CREB3L2: variants seen among roughly 807,000 people sequenced by gnomAD.
CREB3L2 encodes cyclic AMP-responsive element-binding protein 3-like protein 2.
CREB3L2 carries 23 observed loss-of-function variants against 57.2 expected under a neutral mutation model. The ratio of observed to expected loss-of-function variants is 0.40; its 90% CI spans 0.29 to 0.57. The LOEUF is 0.57. Among genes scored for constraint, CREB3L2 ranks in the 20% least tolerant of loss-of-function variants. The pLI is 0.42. For synonymous variants in CREB3L2, 268 were observed against 265.1 expected (o/e 1.01, Z -0.11); for missense variants, 628 against 634.7 (o/e 0.99, Z 0.11).
chr7:137,913,161 G>A (rs1800053413), intron 3 of CREB3L2, 83 bp from the exon 4 acceptor site: 3 of 1,399,850 alleles, frequency 2.1e-6, no homozygotes, highest in Non-Finnish European at 2.9e-6. Context: ...TGTCACCTGT[G>A]TCTTCCTCTC....
chr7:137,885,638 G>C, intron 8 of CREB3L2, 136 bp from the exon 9 acceptor site: 1 of 691,218 alleles, frequency 1.4e-6, no homozygotes, highest in Non-Finnish European at 2.5e-6. Flanking sequence ...GTTTCCTCTG[G>C]AAGAAGATAC....
intron 5 of CREB3L2, 102 bp downstream of exon 5, chr7:137,908,150 G>A: frequency 1.1e-6 from 1 of 873,914 alleles, no homozygotes; most frequent in Non-Finnish European, 1.5e-6. Context: ...CTTGACAAAA[G>A]TAAAAACCAA....
At chr7:137,947,681 C>T (rs1022110841) in intron 1 of CREB3L2, among the ~76,000 whole-genome samples, 1 of 152,166 alleles carries the variant, frequency 6.6e-6, no homozygotes, top group African/African-American at 2.4e-5. Flanking sequence ...TCTCTTTATT[C>T]CTGATGGTCT....
chr7:137,898,429 A>C (rs1158864786), intron 8 of CREB3L2, among the ~76,000 whole-genome samples: 6 of 152,216 alleles, frequency 3.9e-5, no homozygotes, highest in Admixed American at 2.6e-4. Flanking sequence ...AAGACAATGA[A>C]ATCAGCATCT....
At chr7:137,964,052 C>T (rs986040477) in intron 1 of CREB3L2, among the ~76,000 whole-genome samples, 1 of 152,222 alleles carries the variant, frequency 6.6e-6, no homozygotes, top group Non-Finnish European at 1.5e-5. Flanking sequence ...CGGTGGCTCA[C>T]GCCTGTAATC....
At chr7:137,986,794 A>G (rs11770714) in intron 1 of CREB3L2, among the ~76,000 whole-genome samples, 118,173 of 152,198 alleles carry the variant, frequency 0.78, 49,023 homozygotes, top group South Asian at 0.94. Flanking sequence ...GAAACACTGG[A>G]TTTCGACGTG....
chr7:137,885,459 C>A lies in CREB3L2; in HGVS notation c.1087G>T (p.Gly363Cys), dbSNP rs1158366955. Reference sequence around the variant, plus strand: ...AACTTGCAGGTTCGAGAAACCTTGCCCATCACCAAAGTCTGAAGCTTCTGG... The same window carrying A: ...AACTTGCAGGTTCGAGAAACCTTGCACATCACCAAAGTCTGAAGCTTCTGG... ...QLQKLQTLVM[G>C]KVSRTCKLAG... Residue 363 changes from glycine (G) to cysteine (C), a missense_variant, in exon 9 of 12, where the codon GGC (glycine) becomes TGC (cysteine). Gly to Cys is a radical substitution (Grantham distance 159, BLOSUM62 -3). Transcript: ENST00000330387. The A allele has an allele frequency of 1.2e-6, 2 of 1,614,122 alleles. No homozygotes were observed. The highest frequency in any genetic ancestry group is 3.3e-5 in the Admixed American group (2 of 60,002).
At position 137,895,665 on chromosome 7, in the gene CREB3L2, A is replaced by G. The variant is rs1042361704; in HGVS notation, c.1043+5689T>C. On this transcript the variant is annotated intron_variant, in intron 8 of 11. Coordinates refer to ENST00000330387, the MANE Select transcript of CREB3L2 (RefSeq NM_194071.4). The stretch of plus-strand genomic sequence containing the variant: ...TACAAAAAAAAAAAGAAAGAAAACC[A>G]TACTCAGGATTGACTCATAATCTGA... 2.0e-5 allele frequency among the ~76,000 whole-genome samples: 3 copies of G among 151,458 alleles called. No individual in the cohort carries two copies. The East Asian group carries it at 5.8e-4, about 29-fold the overall frequency.
chr7:137,900,340 T>C (rs1479542846), intron 8 of CREB3L2, among the ~76,000 whole-genome samples: 2 of 152,188 alleles, frequency 1.3e-5, no homozygotes, highest in African/African-American at 4.8e-5. Context: ...AATAATGGCA[T>C]CTCATAGGGC....
At chr7:137,972,664 C>A (rs1801525998) in intron 1 of CREB3L2, among the ~76,000 whole-genome samples, 1 of 95,158 alleles carries the variant, frequency 1.1e-5, no homozygotes, top group African/African-American at 4.5e-5. Context: ...CTGAGCAACA[C>A]AGTGAGATCC....
At position 137,946,707 on chromosome 7, in the gene CREB3L2, TTATATATAGTTATA is replaced by T. The variant is rs950234437; in HGVS notation, c.103-18355_103-18342del. 2.7e-5 allele frequency among the ~76,000 whole-genome samples: 4 copies of T among 147,052 alleles called. No homozygotes were observed. The Admixed American group carries it at 2.7e-4, about 10-fold the overall frequency. ...AAGCTATAAGGCTGTCCATACATTT[TTATATATAGTTATA>T]TATATATAGTTTTATATATAGTTTT... On this transcript the variant is annotated intron_variant, in intron 1 of 11. Transcript: ENST00000330387.
chr7:137,880,110 CA>C lies in CREB3L2; in HGVS notation c.*365del, dbSNP rs1799260404. 2.9e-6 allele frequency: 1 copy of C among 339,158 alleles called. No individual in the cohort carries two copies. Among genetic ancestry groups the C allele is most frequent in the East Asian group, 4.7e-5 (1 of 21,142 alleles). 21.0% of individuals were successfully genotyped at this position (339,158 alleles called of 1,614,324 possible). A position where few individuals can be genotyped will look rare whatever the true frequency, so the allele number is the denominator to read the frequency against. Reference sequence around the variant, plus strand: ...GCCAGAGTCTGGGGTCTTGACTGAACAAGAGCCATCTCGTCTCCAAAGCGGG... The same window carrying C: ...GCCAGAGTCTGGGGTCTTGACTGAACAGAGCCATCTCGTCTCCAAAGCGGG... On this transcript the variant is annotated 3_prime_UTR_variant, in exon 12 of 12. Transcript: ENST00000330387. This position sits in a 1 kb window ranked among gnomAD's most constrained non-coding sequence, Gnocchi z 4.0.
Position 137,882,553 on chromosome 7 carries a change from T to A in CREB3L2, c.1346A>T (p.Glu449Val). 1 of 1,613,432 alleles carries A rather than the reference T, an allele frequency of 6.2e-7. No individual in the cohort carries two copies. Residue 449 changes from glutamate to valine, a missense_variant, in exon 11 of 12, where the codon GAG becomes GTG. Glu to Val is a moderately radical substitution (Grantham distance 121). Transcript: ENST00000330387. ...GGAACCTCTATCCCAGCCCCCCAGC[T>A]CCCCAGCCGAGCCCGGGCTGGATGA... ...EESSSPGSAGELGGWDRGSSL... is the reference protein window; with the variant it reads ...EESSSPGSAGVLGGWDRGSSL...
At position 137,980,398 on chromosome 7, in the gene CREB3L2, C is replaced by T. The variant is rs556770381; in HGVS notation, c.102+21206G>A. ...GTGGGGATGGGCAGAGCAGGAGCTT[C>T]ATTGTTCCAGTGGGTTCGCCTGGCC... is the stretch of plus-strand genomic sequence containing the variant. On this transcript the variant is annotated intron_variant, in intron 1 of 11. Coordinates refer to ENST00000330387, the MANE Select transcript of CREB3L2 (RefSeq NM_194071.4). This position sits in a 1 kb window ranked among gnomAD's most constrained non-coding sequence, Gnocchi z 4.3. Among the ~76,000 whole-genome samples the T allele has an allele frequency of 3.3e-5, 5 of 152,232 alleles. No homozygotes were observed. The highest frequency in any genetic ancestry group is 7.3e-5 in the Non-Finnish European group (5 of 68,048).
At chr7:137,899,174 C>A (rs1677498) in intron 8 of CREB3L2, among the ~76,000 whole-genome samples, 107,264 of 144,858 alleles carry the variant, frequency 0.74, 39,902 homozygotes, top group African/African-American at 0.88. Flanking sequence ...GGAAGGAACA[C>A]GCAGCACAGT....
chr7:137,917,150 T>C lies in CREB3L2; in HGVS notation c.320-1138A>G, dbSNP rs531959036. Among the ~76,000 whole-genome samples, 3 of 152,330 alleles carry C rather than the reference T, an allele frequency of 2.0e-5. No individual in the cohort carries two copies. In the East Asian group the frequency reaches 5.8e-4, roughly 29 times the overall value. ...TGCATCTTGGTGAGTCTGGGTCTTG[T>C]CTTTCCTGATTATCACCAGGCCTGG... On this transcript the variant is annotated intron_variant, in intron 2 of 11. Transcript: ENST00000330387.
At position 137,903,940 on chromosome 7, in the gene CREB3L2, A is replaced by C. The variant is rs773200418; in HGVS notation, c.974+19T>G. 4 of 1,606,484 alleles carry C rather than the reference A, an allele frequency of 2.5e-6. No individual in the cohort carries two copies. Among genetic ancestry groups the C allele is most frequent in the Non-Finnish European group, 3.4e-6 (4 of 1,173,052 alleles). ...GTGCATACTGCCCGATGAACGCAAC[A>C]GTTTGCCAGCAGGCTTACTTTTTCT... On this transcript the variant is annotated intron_variant, in intron 7 of 11. Transcript: ENST00000330387.
Position 137,895,642 on chromosome 7 carries a change from C to CAAAAA in CREB3L2, c.1043+5707_1043+5711dup, listed in dbSNP as rs759902698. On this transcript the variant is annotated intron_variant, in intron 8 of 11. Coordinates refer to ENST00000330387, the MANE Select transcript of CREB3L2 (RefSeq NM_194071.4). ...TAGGTGGCTGCTGCTGAGTCCAGTA[C>CAAAAA]AAAAAAAAAAAGAAAGAAAACCATA... 1.1e-3 allele frequency among the ~76,000 whole-genome samples: 118 copies of CAAAAA among 111,920 alleles called. 3 individuals are homozygous for CAAAAA. Among genetic ancestry groups the CAAAAA allele is most frequent in the African/African-American group, 3.1e-3 (85 of 27,392 alleles). The allele number at this position is 111,920 out of a possible 152,430, so 73.4% of individuals were successfully genotyped here. A position where few individuals can be genotyped will look rare whatever the true frequency, so the allele number is the denominator to read the frequency against.
In CREB3L2 at chr7:137,996,607, C is replaced by T. The variant is rs141678021; in HGVS notation, c.102+4997G>A. ...AAATCATATCACTCTCCGGGCCAGG[C>T]GGGAGGAACAGGAAACCACACAGTC... On this transcript the variant is annotated intron_variant, in intron 1 of 11. Coordinates refer to ENST00000330387, the MANE Select transcript of CREB3L2 (RefSeq NM_194071.4). Among the ~76,000 whole-genome samples the T allele has an allele frequency of 4.6e-3, 708 of 152,272 alleles. 4 individuals carry two copies. The highest frequency in any genetic ancestry group is 0.016 in the African/African-American group (662 of 41,534).
Sources: allele counts gnomAD v4.1 joint callset (sites outside exome capture counted in the v4.1 genomes callset), GRCh38; gene constraint gnomAD v4.1.1; non-coding constraint Gnocchi (gnomAD v3.1); transcripts MANE v1.5; gene names NCBI Gene and HGNC (gene_info 2026-07-23, HGNC 2026-07-21).